SLC5A1: variants seen among roughly 807,000 people sequenced by gnomAD.
The protein encoded by SLC5A1 is solute carrier family 5 member 1.
A neutral mutation model predicts 73.5 loss-of-function variants in SLC5A1; 42 were observed. The observed-to-expected ratio is 0.57, with a 90% CI of 0.45 to 0.74. The LOEUF (loss-of-function observed/expected upper bound fraction) is 0.74, where lower values mean the gene tolerates loss of function less well. Among genes scored for constraint, SLC5A1 ranks in the 30% least tolerant of loss-of-function variants. The pLI, the probability that SLC5A1 is intolerant of heterozygous loss-of-function variation, is 0.00. For synonymous variants in SLC5A1, 300 were observed against 317.4 expected (o/e 0.95, Z 0.58); for missense variants, 634 against 855.4 (o/e 0.74, Z 3.23).
At chr22:32,088,679 G>C (rs1033009882) in intron 10 of SLC5A1, among the ~76,000 whole-genome samples, 4 of 152,110 alleles carry the variant, frequency 2.6e-5, no homozygotes, top group African/African-American at 9.7e-5. Context: ...AGACTAAATA[G>C]ATATTTTCCA....
At chr22:32,088,282 C>CCATT (rs2094011390) in intron 10 of SLC5A1, among the ~76,000 whole-genome samples, 1 of 151,712 alleles carries the variant, frequency 6.6e-6, no homozygotes, top group Non-Finnish European at 1.5e-5. Context: ...CTTCCCTGTG[C>CCATT]CATTGCTAGT....
intron 10 of SLC5A1, among the ~76,000 whole-genome samples, chr22:32,089,342 T>C (rs534248158): frequency 9.9e-5 from 15 of 152,238 alleles, no homozygotes; most frequent in Non-Finnish European, 1.9e-4. Context: ...TTAGAATTCA[T>C]CTTGCAAGGC....
chr22:32,106,338 G>A (rs1057340656), intron 14 of SLC5A1, among the ~76,000 whole-genome samples: 1 of 152,174 alleles, frequency 6.6e-6, no homozygotes, highest in Non-Finnish European at 1.5e-5. Context: ...ATTTTTATGT[G>A]CCTATTAGCC....
intron 2 of SLC5A1, among the ~76,000 whole-genome samples, chr22:32,058,765 C>A (rs964078321): frequency 6.6e-6 from 1 of 152,146 alleles, no homozygotes; most frequent in Non-Finnish European, 1.5e-5. Context: ...TTCTTATGAA[C>A]ACTGAGCTTG....
intron 2 of SLC5A1, among the ~76,000 whole-genome samples, chr22:32,064,724 A>C (rs1049004636): frequency 4.6e-5 from 7 of 151,974 alleles, no homozygotes; most frequent in African/African-American, 7.3e-5. Context: ...CATACTCCCT[A>C]ATCTCTACGC....
At position 32,084,645 on chromosome 22, in the gene SLC5A1, T is replaced by G; in HGVS notation, c.871T>G (p.Trp291Gly). Reference protein sequence around the residue: ...FGMSILTLWYWCTDQVIVQRC... With the variant: ...FGMSILTLWYGCTDQVIVQRC... ...GATGTCCATCCTTACCTTGTGGTAC[T>G]GGTGCACAGATCAGGTACCCAAGCT... Residue 291 changes from tryptophan (W) to glycine (G), a missense_variant, in exon 8 of 15, where the codon TGG (tryptophan) becomes GGG (glycine). Physicochemically the swap from Trp to Gly is radical, Grantham distance 184 (BLOSUM62 -2). Around this residue, in one of 3 missense-constraint regions of SLC5A1, gnomAD observed 422 missense variants for 626.1 expected, o/e 0.67. Transcript: ENST00000266088. The G allele has an allele frequency of 6.2e-7, 1 of 1,613,844 alleles. No homozygotes were observed. Among genetic ancestry groups the G allele is most frequent in the Non-Finnish European group, 8.5e-7 (1 of 1,179,720 alleles).
intron 2 of SLC5A1, among the ~76,000 whole-genome samples, chr22:32,051,985 G>A (rs2093945661): frequency 6.6e-6 from 1 of 152,176 alleles, no homozygotes. Context: ...AAACCCTCAG[G>A]TTTAGCTCTT....
Position 32,060,196 on chromosome 22 carries a change from TATA to T in SLC5A1, c.208-6738_208-6736del, listed in dbSNP as rs1234079292. Among the ~76,000 whole-genome samples the T allele has an allele frequency of 5.3e-3, 795 of 149,492 alleles. 12 individuals carry two copies. The highest frequency in any genetic ancestry group is 0.017 in the African/African-American group (695 of 40,392). ...ACACACACACACACACATATATATA[TATA>T]TTTTTTTAAGAGATGGAACTTTGCT... On this transcript the variant is annotated intron_variant, in intron 2 of 14. Coordinates refer to ENST00000266088, the MANE Select transcript of SLC5A1 (RefSeq NM_000343.4).
chr22:32,099,142 A>G lies in SLC5A1; in HGVS notation c.1281-41A>G, dbSNP rs1358430585. 3 of 961,238 alleles carry G rather than the reference A, an allele frequency of 3.1e-6. No individual in the cohort carries two copies. The East Asian group carries it at 9.4e-5, about 30-fold the overall frequency. The allele number at this position is 961,238 out of a possible 1,614,324, so 59.5% of individuals were successfully genotyped here. ...TATATATATATATATACTCATGTAG[A>G]GCTATTTATTGACACCTTGTTGTGG... On this transcript the variant is annotated intron_variant, in intron 11 of 14. Coordinates refer to ENST00000266088, the MANE Select transcript of SLC5A1 (RefSeq NM_000343.4).
chr22:32,056,478 A>G (rs961823190), intron 2 of SLC5A1, among the ~76,000 whole-genome samples: 2 of 145,334 alleles, frequency 1.4e-5, no homozygotes, highest in African/African-American at 5.2e-5. Flanking sequence ...GTCCCATGCA[A>G]TATTCGGGAC....
At chr22:32,059,224 C>T in intron 2 of SLC5A1, 1 of 985,340 alleles carries the variant, frequency 1.0e-6, no homozygotes, top group Non-Finnish European at 1.2e-6. Context: ...GAAAAAGACT[C>T]TGTCCCAAAA....
At position 32,081,959 on chromosome 22, in the gene SLC5A1, T is replaced by C; in HGVS notation, c.571T>C (p.Tyr191His). 1.2e-6 allele frequency: 2 copies of C among 1,606,682 alleles called. No homozygotes were observed. The highest frequency in any genetic ancestry group is 2.2e-5 in the South Asian group (2 of 90,912). The change falls in exon 6 of 15, where the codon TAC becomes CAC. Residue 191 changes from tyrosine to histidine, a missense_variant. Physicochemically the swap from Tyr to His is moderately conservative, Grantham distance 83. Coordinates refer to ENST00000266088, the MANE Select transcript of SLC5A1 (RefSeq NM_000343.4). ...TCTCTTATTGGCAATCACTGCCCTT[T>C]ACACAATTACAGGTGAGTCCATTCA... ...IFLLLAITAL[Y>H]TITGGLAAVI...
chr22:32,074,851 C>A (rs2093988307), intron 5 of SLC5A1, among the ~76,000 whole-genome samples: 1 of 152,106 alleles, frequency 6.6e-6, no homozygotes, highest in African/African-American at 2.4e-5. Context: ...TACTTACACC[C>A]TCTCCAGTTC....
intron 14 of SLC5A1, among the ~76,000 whole-genome samples, chr22:32,107,199 A>G (rs1028239035): frequency 6.6e-6 from 1 of 152,136 alleles, no homozygotes; most frequent in African/African-American, 2.4e-5. Context: ...CATGCCCTCT[A>G]CTTCTCCTAC....
chr22:32,063,110 A>G (rs2093966264), intron 2 of SLC5A1, among the ~76,000 whole-genome samples: 1 of 152,056 alleles, frequency 6.6e-6, no homozygotes, highest in Admixed American at 6.6e-5. Context: ...CACCAATCCT[A>G]TCAGATTGGG....
rs199553004 is a variant in SLC5A1, at chr22:32,110,075, G to C, written c.1857G>C (p.Lys619Asn). 6.2e-7 allele frequency: 1 copy of C among 1,614,120 alleles called. No homozygotes were observed. Among genetic ancestry groups the C allele is most frequent in the Non-Finnish European group, 8.5e-7 (1 of 1,179,974 alleles). The part of the protein sequence containing the change: ...FCGLEQHGAP[K>N]MTEEEEKAMK... Reference sequence around the variant, plus strand: ...GGCTAGAGCAGCACGGTGCACCCAAGATGACTGAGGAAGAGGAGAAAGCCA... The same window carrying C: ...GGCTAGAGCAGCACGGTGCACCCAACATGACTGAGGAAGAGGAGAAAGCCA... Residue 619 changes from lysine (K) to asparagine (N), a missense_variant, in exon 15 of 15, where the codon AAG becomes AAC. Lys to Asn is a moderately conservative substitution (Grantham distance 94). Around this residue, in one of 3 missense-constraint regions of SLC5A1, gnomAD observed 161 missense variants for 178.7 expected, o/e 0.90. Coordinates refer to ENST00000266088, the MANE Select transcript of SLC5A1 (RefSeq NM_000343.4).
intron 11 of SLC5A1, among the ~76,000 whole-genome samples, chr22:32,097,305 G>A (rs1340798373): frequency 6.6e-6 from 1 of 152,212 alleles, no homozygotes; most frequent in African/African-American, 2.4e-5. Context: ...CTGGGGAAGG[G>A]AGAACCTGAG....
intron 2 of SLC5A1, among the ~76,000 whole-genome samples, chr22:32,062,062 G>T (rs1432153007): frequency 6.6e-6 from 1 of 152,202 alleles, no homozygotes; most frequent in Non-Finnish European, 1.5e-5. Flanking sequence ...TTGTTCTGTT[G>T]CACTATAAAG....
At chr22:32,083,412 G>A (rs1387833641) in intron 7 of SLC5A1, among the ~76,000 whole-genome samples, 1 of 152,180 alleles carries the variant, frequency 6.6e-6, no homozygotes, top group Non-Finnish European at 1.5e-5. Flanking sequence ...CTGGGCTAGT[G>A]GTTGTGCTGT....
Sources: allele counts gnomAD v4.1 joint callset (sites outside exome capture counted in the v4.1 genomes callset), GRCh38; gene constraint gnomAD v4.1.1; regional missense constraint gnomAD v4.1.1; transcripts MANE v1.5; gene names NCBI Gene and HGNC (gene_info 2026-07-23, HGNC 2026-07-21).